The following LIPC variants were observed in gnomAD, a reference collection of about 807,000 sequenced individuals.
LIPC encodes lipase C, hepatic type.
Under a neutral mutation model 50.7 loss-of-function variants are expected in LIPC, and 44 were observed. That is an observed-to-expected ratio of 0.87 (90% CI 0.68 to 1.11). LIPC has a LOEUF of 1.11. Among genes scored for constraint, LIPC ranks in the 50% most tolerant of loss-of-function variants. The pLI is 0.00. For missense variants in LIPC, 697 were observed against 648.2 expected, an observed-to-expected ratio of 1.08 and a Z score of -0.82; for synonymous variants, 271 against 256.4, an observed-to-expected ratio of 1.06 and a Z score of -0.54.
intron 1 of LIPC, among the ~76,000 whole-genome samples, chr15:58,516,111 G>A (rs371507309): frequency 5.3e-5 from 8 of 152,078 alleles, no homozygotes; most frequent in Admixed American, 2.6e-4. Context: ...GATTTTCTGC[G>A]CATCTTTGCT....
intron 6 of LIPC, 114 bp from the exon 7 acceptor site, chr15:58,560,750 T>C: frequency 3.0e-6 from 2 of 660,112 alleles, no homozygotes; most frequent in South Asian, 3.5e-5. Context: ...AACATATTAA[T>C]ATCTATCCAA....
At chr15:58,537,956 G>A (rs1317127148) in intron 1 of LIPC, among the ~76,000 whole-genome samples, 2 of 152,176 alleles carry the variant, frequency 1.3e-5, no homozygotes, top group East Asian at 1.9e-4. Flanking sequence ...TGGAGACAGC[G>A]ACACCTGGGT....
At chr15:58,441,805 G>C (rs1201662000) in intron 1 of LIPC, among the ~76,000 whole-genome samples, 2 of 152,176 alleles carry the variant, frequency 1.3e-5, no homozygotes, top group Non-Finnish European at 2.9e-5. Flanking sequence ...GGCTGAGCTG[G>C]CTTTGATACA....
At chr15:58,444,050 A>G (rs1181876567) in intron 1 of LIPC, among the ~76,000 whole-genome samples, 1 of 152,168 alleles carries the variant, frequency 6.6e-6, no homozygotes, top group Non-Finnish European at 1.5e-5. Context: ...ATCTGGGTGT[A>G]TACGTGCCAG....
At chr15:58,563,779 C>A in intron 8 of LIPC, 56 bp downstream of exon 8, 1 of 1,404,218 alleles carries the variant, frequency 7.1e-7, no homozygotes, top group African/African-American at 1.4e-5. Context: ...TTGTGCCAGG[C>A]AGTCTCACAA....
chr15:58,517,532 T>G (rs1306714086), intron 1 of LIPC, among the ~76,000 whole-genome samples: 2 of 152,216 alleles, frequency 1.3e-5, no homozygotes, highest in Non-Finnish European at 2.9e-5. Flanking sequence ...ACCACAAGTT[T>G]CAGTGTGGAG....
At chr15:58,515,010 C>T (rs1892441872) in intron 1 of LIPC, among the ~76,000 whole-genome samples, 1 of 152,124 alleles carries the variant, frequency 6.6e-6, no homozygotes, top group Admixed American at 6.5e-5. Flanking sequence ...GTTTCCTCAC[C>T]TTTTTCAGCT....
chr15:58,537,753 G>A (rs1261015527), intron 1 of LIPC, among the ~76,000 whole-genome samples: 10 of 152,006 alleles, frequency 6.6e-5, no homozygotes, highest in South Asian at 2.1e-4. Context: ...TCCCTCAAGC[G>A]GCATCCACTA....
At chr15:58,564,862 C>T (rs114323767) in intron 8 of LIPC, among the ~76,000 whole-genome samples, 1,702 of 152,288 alleles carry the variant, frequency 0.011, 27 homozygotes, top group African/African-American at 0.037. Flanking sequence ...TGGTTCTCCA[C>T]GGCAGAATTC....
At chr15:58,557,121 T>C (rs1893979391) in intron 6 of LIPC, among the ~76,000 whole-genome samples, 1 of 152,178 alleles carries the variant, frequency 6.6e-6, no homozygotes, top group Non-Finnish European at 1.5e-5. Context: ...CTAGTGGTCC[T>C]GGGTATAAAC....
chr15:58,541,976 C>A lies in LIPC; in HGVS notation c.456+9C>A. 1 of 1,603,518 alleles carries A rather than the reference C, an allele frequency of 6.2e-7. No individual in the cohort carries two copies. ...TTCTCCGGTGGCTGGAGGTACCGAC[C>A]TGCCCCATCCTTCCTTCACCTCCCT... On this transcript the variant is annotated intron_variant, in intron 3 of 8. Transcript: ENST00000299022.
At chr15:58,562,970 G>T (rs7171818) in intron 7 of LIPC, among the ~76,000 whole-genome samples, 25,222 of 152,126 alleles carry the variant, frequency 0.17, 2,326 homozygotes, top group South Asian at 0.34. Context: ...GAGTAAAGCT[G>T]ATCATGATAC....
intron 1 of LIPC, among the ~76,000 whole-genome samples, chr15:58,471,090 G>T (rs1048069539): frequency 6.6e-6 from 1 of 151,222 alleles, no homozygotes; most frequent in Non-Finnish European, 1.5e-5. Flanking sequence ...AATGACCTAA[G>T]GTCTAGGCCA....
At chr15:58,488,006 T>A (rs1891436293) in intron 1 of LIPC, among the ~76,000 whole-genome samples, 1 of 152,316 alleles carries the variant, frequency 6.6e-6, no homozygotes, top group South Asian at 2.1e-4. Flanking sequence ...GCACGGTAGC[T>A]CACACCTGTA....
At chr15:58,510,747 G>A (rs1892304073) in intron 1 of LIPC, among the ~76,000 whole-genome samples, 1 of 152,226 alleles carries the variant, frequency 6.6e-6, no homozygotes, top group African/African-American at 2.4e-5. Flanking sequence ...TTAGTGGTAT[G>A]TTAAACAATG....
At chr15:58,460,317 G>A (rs919894933) in intron 1 of LIPC, among the ~76,000 whole-genome samples, 1 of 152,230 alleles carries the variant, frequency 6.6e-6, no homozygotes, top group Non-Finnish European at 1.5e-5. Context: ...AGGAAGTGGA[G>A]AACAGCTCAT....
intron 1 of LIPC, among the ~76,000 whole-genome samples, chr15:58,513,125 G>A (rs1043119792): frequency 3.9e-5 from 6 of 152,144 alleles, no homozygotes; most frequent in Non-Finnish European, 8.8e-5. Context: ...ACAGTCCCTA[G>A]GTTCCGCTCA....
intron 1 of LIPC, among the ~76,000 whole-genome samples, chr15:58,469,289 A>C (rs1053188543): frequency 6.6e-6 from 1 of 152,078 alleles, no homozygotes; most frequent in African/African-American, 2.4e-5. Context: ...ATGAACCACC[A>C]TACCCACCCT....
intron 8 of LIPC, among the ~76,000 whole-genome samples, chr15:58,567,936 G>C (rs531901932): frequency 6.6e-6 from 1 of 152,232 alleles, no homozygotes; most frequent in Non-Finnish European, 1.5e-5. Context: ...GAATTTTCAA[G>C]AATGCATTCA....
Sources: gnomAD v4.1 joint callset for allele counts (sites outside exome capture counted in the v4.1 genomes callset) on GRCh38, gnomAD v4.1.1 for gene constraint, MANE v1.5 for transcripts, NCBI Gene and HGNC (gene_info 2026-07-23, HGNC 2026-07-21) for gene names.